The following CEP63 variants were observed in gnomAD, a reference collection of about 807,000 sequenced individuals.
CEP63 encodes the protein centrosomal protein of 63 kDa.
Under a neutral mutation model 89.1 loss-of-function variants are expected in CEP63, and 84 were observed. That is an observed-to-expected ratio of 0.94 (90% CI 0.79 to 1.13). CEP63 has a LOEUF of 1.13. Ranked by LOEUF, CEP63 falls within the 50% of genes most tolerant of loss-of-function variation. The pLI is 0.00. For synonymous variants in CEP63, 267 were observed against 272.5 expected (o/e 0.98, Z 0.20); for missense variants, 838 against 813.3 (o/e 1.03, Z -0.37).
the CEP63 span, among the ~76,000 whole-genome samples, chr3:134,633,049 A>G: frequency 6.6e-6 from 1 of 152,182 alleles, no homozygotes; most frequent in Non-Finnish European, 1.5e-5. Flanking sequence ...ACTAACTACC[A>G]CAAAACTCAT....
the CEP63 span, among the ~76,000 whole-genome samples, chr3:134,760,351 G>T: frequency 2.6e-5 from 4 of 152,132 alleles, no homozygotes; most frequent in African/African-American, 7.2e-5. Flanking sequence ...GAGCCACCGC[G>T]CCCGGCCAGC....
At chr3:134,660,208 G>T in the CEP63 span, among the ~76,000 whole-genome samples, 1 of 152,376 alleles carries the variant, frequency 6.6e-6, no homozygotes, top group East Asian at 1.9e-4. Flanking sequence ...TGGCCTGCCG[G>T]TCCCCTCCCC....
At chr3:134,674,877 T>C in the CEP63 span, among the ~76,000 whole-genome samples, 3 of 152,202 alleles carry the variant, frequency 2.0e-5, no homozygotes, top group South Asian at 6.2e-4. Flanking sequence ...AGTACAAGGC[T>C]TGATACTTCA....
chr3:134,651,630 A>G, the CEP63 span: 6 of 986,758 alleles, frequency 6.1e-6, no homozygotes, highest in Admixed American at 6.0e-5. Context: ...CCCCCCAGTT[A>G]CGGCCCCTGT....
the CEP63 span, among the ~76,000 whole-genome samples, chr3:134,767,386 A>G: frequency 6.6e-6 from 1 of 152,182 alleles, no homozygotes; most frequent in African/African-American, 2.4e-5. Context: ...AGACATTTAC[A>G]ATCAGGCTGG....
the CEP63 span, among the ~76,000 whole-genome samples, chr3:134,696,711 C>A: frequency 7.9e-5 from 12 of 151,962 alleles, no homozygotes; most frequent in African/African-American, 2.9e-4. Flanking sequence ...TAAGTGTGTG[C>A]AAGAGGGTAT....
the CEP63 span, among the ~76,000 whole-genome samples, chr3:134,748,283 C>T: frequency 6.6e-6 from 1 of 152,186 alleles, no homozygotes; most frequent in South Asian, 2.1e-4. Context: ...AAATAAATTT[C>T]CTGTACCCAA....
At chr3:134,492,070 C>CTTTTTTTTTTTT (rs74269453) in intron 1 of CEP63, among the ~76,000 whole-genome samples, 56 of 103,632 alleles carry the variant, frequency 5.4e-4, no homozygotes, top group South Asian at 1.3e-3. Context: ...TATTTGTATT[C>CTTTTTTTTTTTT]TTTTTTTTTT....
intron 3 of CEP63, among the ~76,000 whole-genome samples, chr3:134,522,917 C>T (rs1039196915): frequency 9.9e-5 from 15 of 152,040 alleles, no homozygotes; most frequent in Admixed American, 3.3e-4. Flanking sequence ...GGGTATATAC[C>T]TAGTAATGGG....
At chr3:134,504,113 C>CTTTT (rs74269454) in intron 2 of CEP63, among the ~76,000 whole-genome samples, 5 of 143,888 alleles carry the variant, frequency 3.5e-5, no homozygotes, top group African/African-American at 1.3e-4. Flanking sequence ...GTCTCTCTCT[C>CTTTT]TTTTTTTTTT....
chr3:134,728,627 A>G, the CEP63 span, among the ~76,000 whole-genome samples: 1 of 152,250 alleles, frequency 6.6e-6, no homozygotes, highest in Non-Finnish European at 1.5e-5. Context: ...GGCAGTGGAC[A>G]GGTGACAAAG....
intron 3 of CEP63, among the ~76,000 whole-genome samples, chr3:134,519,061 A>G (rs1369605593): frequency 6.6e-6 from 1 of 152,126 alleles, no homozygotes; most frequent in Admixed American, 6.6e-5. Flanking sequence ...ATATAATAAA[A>G]AATCCCTAGG....
At chr3:134,710,217 C>T in the CEP63 span, among the ~76,000 whole-genome samples, 1 of 152,156 alleles carries the variant, frequency 6.6e-6, no homozygotes. Context: ...CACAACGGGT[C>T]GGCTGCTGGA....
chr3:134,603,998 G>T, the CEP63 span: 1 of 1,613,874 alleles, frequency 6.2e-7, no homozygotes, highest in African/African-American at 1.3e-5. Context: ...TGGACTTTCA[G>T]CTCGGTCTGC....
the CEP63 span, among the ~76,000 whole-genome samples, chr3:134,742,726 C>T: frequency 6.6e-6 from 1 of 152,224 alleles, no homozygotes; most frequent in Non-Finnish European, 1.5e-5. Context: ...GTTTCACCCT[C>T]ATGGGTGGGT....
chr3:134,749,938 G>C, the CEP63 span, among the ~76,000 whole-genome samples: 6 of 152,192 alleles, frequency 3.9e-5, no homozygotes, highest in Non-Finnish European at 7.4e-5. Flanking sequence ...AGCGCCCAGG[G>C]TTGAGTCCAG....
intron 3 of CEP63, among the ~76,000 whole-genome samples, chr3:134,517,648 A>G (rs1455897841): frequency 6.6e-6 from 1 of 152,236 alleles, no homozygotes; most frequent in Non-Finnish European, 1.5e-5. Flanking sequence ...AATAAGTTAG[A>G]AAAAGATAAC....
At chr3:134,606,472 G>C in the CEP63 span, among the ~76,000 whole-genome samples, 2 of 152,124 alleles carry the variant, frequency 1.3e-5, no homozygotes, top group Non-Finnish European at 2.9e-5. Flanking sequence ...AAGGCTTCAT[G>C]GTAATGTCCC....
At chr3:134,749,462 C>A in the CEP63 span, among the ~76,000 whole-genome samples, 1 of 151,858 alleles carries the variant, frequency 6.6e-6, no homozygotes, top group African/African-American at 2.4e-5. Context: ...GAGCCTGAAC[C>A]AGGTATATGG....
Sources: allele counts gnomAD v4.1 joint callset (sites outside exome capture counted in the v4.1 genomes callset), GRCh38; gene constraint gnomAD v4.1.1; transcripts MANE v1.5; gene names NCBI Gene and HGNC (gene_info 2026-07-23, HGNC 2026-07-21).